Variants in AP3D1 observed in about 807,000 individuals in gnomAD.
AP3D1 encodes adaptor related protein complex 3 subunit delta 1.
In AP3D1, 51 loss-of-function variants were observed where a neutral mutation model predicts 147.6. The observed-to-expected ratio is 0.35, with a 90% CI of 0.28 to 0.44. The LOEUF (loss-of-function observed/expected upper bound fraction) is 0.44, where lower values mean the gene tolerates loss of function less well. Among genes scored for constraint, AP3D1 ranks in the 20% least tolerant of loss-of-function variants. The probability of loss-of-function intolerance (pLI) is 1.00; values close to 1 mark genes in which losing one functional copy is unlikely to be tolerated. For synonymous variants in AP3D1, 760 were observed against 663.0 expected, an observed-to-expected ratio of 1.15 and a Z score of -2.25; for missense variants, 1,421 against 1,624.2, an observed-to-expected ratio of 0.87 and a Z score of 2.15.
chr19:2,103,727 C>T (rs1426230667), intron 31 of AP3D1, among the ~76,000 whole-genome samples: 1 of 152,138 alleles, frequency 6.6e-6, no homozygotes, highest in Non-Finnish European at 1.5e-5. Context: ...TGACCACCCA[C>T]GTCCTCCACA....
At chr19:2,152,492 G>A (rs141481168), upstream of AP3D1, among the ~76,000 whole-genome samples, 6,855 of 151,944 alleles carry the variant, frequency 0.045, 218 homozygotes, top group East Asian at 0.14. Flanking sequence ...GCAGTGAGCC[G>A]AGATGGCGCC....
intron 15 of AP3D1, among the ~76,000 whole-genome samples, chr19:2,117,971 C>A (rs2018505664): frequency 6.6e-6 from 1 of 152,148 alleles, no homozygotes; most frequent in South Asian, 2.1e-4. Context: ...ACCAGCCTGG[C>A]CAACAAGGTG....
chr19:2,150,999 G>A (rs1005700805), intron 1 of AP3D1, among the ~76,000 whole-genome samples: 3 of 152,268 alleles, frequency 2.0e-5, no homozygotes, highest in African/African-American at 4.8e-5. Flanking sequence ...ATCCGATGAG[G>A]CGAGGATCCG....
chr19:2,137,638 G>T (rs1185373195), intron 3 of AP3D1, 89 bp downstream of exon 3: 10 of 1,124,914 alleles, frequency 8.9e-6, no homozygotes, highest in African/African-American at 1.5e-5. Context: ...TCTGTCTCAA[G>T]AATAATAATA....
Position 2,141,120 on chromosome 19 carries a change from T to C in AP3D1, c.97-2406A>G, listed in dbSNP as rs113689124. ...GACATGACCTAGACCCAAAAGATTA[T>C]ATTATAAACATAGATGTAAATTAGC... On this transcript the variant is annotated intron_variant, in intron 1 of 31. Transcript: ENST00000643116. Among the ~76,000 whole-genome samples the C allele has an allele frequency of 4.1e-4, 63 of 152,222 alleles. 1 individual carries two copies. The highest frequency in any genetic ancestry group is 1.5e-3 in the African/African-American group (61 of 41,542).
intron 24 of AP3D1, 22 bp downstream of exon 24, chr19:2,112,838 C>G (rs780685186): frequency 1.9e-6 from 3 of 1,592,634 alleles, no homozygotes; most frequent in African/African-American, 2.7e-5. Flanking sequence ...CTCCACAGCC[C>G]CTGGGGGAGT....
At chr19:2,117,488 T>A in intron 15 of AP3D1, 121 bp from the exon 16 acceptor site, 4 of 1,118,322 alleles carry the variant, frequency 3.6e-6, no homozygotes, top group Non-Finnish European at 4.9e-6. Flanking sequence ...TACAGCCACA[T>A]AGCCACAGAG....
intron 1 of AP3D1, among the ~76,000 whole-genome samples, chr19:2,142,087 G>A (rs1052696058): frequency 3.3e-5 from 5 of 150,560 alleles, no homozygotes; most frequent in Admixed American, 1.3e-4. Flanking sequence ...GTGTGATCTC[G>A]GCTCACTGTA....
At chr19:2,118,339 C>T (rs1266275054) in intron 15 of AP3D1, among the ~76,000 whole-genome samples, 2 of 152,216 alleles carry the variant, frequency 1.3e-5, no homozygotes, top group African/African-American at 2.4e-5. Flanking sequence ...GTGAAACAAC[C>T]TCTTCCTGTG....
intron 1 of AP3D1, among the ~76,000 whole-genome samples, chr19:2,139,059 CAAAAAAAAAAAA>C (rs60728832): frequency 5.2e-4 from 32 of 61,668 alleles, no homozygotes; most frequent in African/African-American, 1.4e-3. Context: ...GACTCCGTCT[CAAAAAAAAAAAA>C]AAAAAAAAAA....
At chr19:2,164,243 A>G (rs2019821225) in intron 1 of AP3D1, 1 of 1,284,846 alleles carries the variant, frequency 7.8e-7, no homozygotes, top group South Asian at 3.3e-5. Flanking sequence ...CCCGCCGTCT[A>G]CCCGTGGCCG....
rs1447033592 is a variant in AP3D1, at chr19:2,113,425, A to G, written c.2602-12T>C. ...TCCAGGTCCTCAGCCTGAAACCACA[A>G]GACAGGCTGTCAGCAAACGCAGTGC... On this transcript the variant is annotated splice_polypyrimidine_tract_variant and intron_variant, in intron 22 of 31. Coordinates refer to ENST00000643116, the MANE Select transcript of AP3D1 (RefSeq NM_001261826.3). 7.6e-6 allele frequency: 11 copies of G among 1,453,236 alleles called. No homozygotes were observed. The highest frequency in any genetic ancestry group is 8.2e-6 in the Non-Finnish European group (9 of 1,101,502). 90.0% of individuals were successfully genotyped at this position (1,453,236 alleles called of 1,614,324 possible).
intron 4 of AP3D1, chr19:2,133,464 T>TC (rs2019000501): frequency 1.3e-5 from 2 of 152,156 alleles, no homozygotes; most frequent in South Asian, 4.2e-4. Flanking sequence ...TCTACCAAGA[T>TC]CCGTTTTCAG....
In AP3D1 at chr19:2,123,411, A is replaced by G. The variant is rs1483684003; in HGVS notation, c.907-5T>C. 6.2e-7 allele frequency: 1 copy of G among 1,613,840 alleles called. No individual in the cohort carries two copies. The highest frequency in any genetic ancestry group is 8.5e-7 in the Non-Finnish European group (1 of 1,179,978). ...CCTTAATTTCTGAACACAAAGCTGAAAAGAAGAAAAAAACGATGCTGGTTA... is the reference window on the plus strand; with the variant it reads ...CCTTAATTTCTGAACACAAAGCTGAGAAGAAGAAAAAAACGATGCTGGTTA... On this transcript the variant is annotated splice_polypyrimidine_tract_variant and splice_region_variant and intron_variant, in intron 10 of 31. Transcript: ENST00000643116.
At chr19:2,155,758 A>G (rs147908682), upstream of AP3D1, among the ~76,000 whole-genome samples, 249 of 152,188 alleles carry the variant, frequency 1.6e-3, no homozygotes, top group Non-Finnish European at 3.0e-3. Context: ...AACTTGATGA[A>G]AAAGGAAGAA....
intron 1 of AP3D1, among the ~76,000 whole-genome samples, chr19:2,140,320 C>T (rs1024382657): frequency 6.6e-6 from 1 of 152,136 alleles, no homozygotes; most frequent in Non-Finnish European, 1.5e-5. Flanking sequence ...TCTGGGCGTG[C>T]ACCCGAGGGG....
intron 17 of AP3D1, 118 bp downstream of exon 17, chr19:2,116,487 C>T: frequency 3.7e-6 from 5 of 1,365,548 alleles, no homozygotes; most frequent in Non-Finnish European, 4.9e-6. Flanking sequence ...GCAGGGACGC[C>T]CATGCCTCCA....
chr19:2,110,538 T>C (rs971892778), intron 27 of AP3D1, among the ~76,000 whole-genome samples, 169 bp downstream of exon 27: 1 of 151,886 alleles, frequency 6.6e-6, no homozygotes, highest in African/African-American at 2.4e-5. Context: ...CCATTGCGCT[T>C]CTCAGAGAGC....
chr19:2,111,815 G>A lies in AP3D1; in HGVS notation c.2801C>T (p.Pro934Leu). The A allele has an allele frequency of 1.9e-6, 3 of 1,613,892 alleles. No homozygotes were observed. Among genetic ancestry groups the A allele is most frequent in the Non-Finnish European group, 2.5e-6 (3 of 1,179,966 alleles). ...GQDQDKKSPK[P>L]KKKKHRKEKE... ...CTCCTTCCTGTGCTTCTTCTTCTTAGGCTTGGGAGATTTCTGGAGCAAGAG... is the reference window on the plus strand; with the variant it reads ...CTCCTTCCTGTGCTTCTTCTTCTTAAGCTTGGGAGATTTCTGGAGCAAGAG... Residue 934 changes from proline (P) to leucine (L), a missense_variant, in exon 25 of 32, where the codon CCT (proline) becomes CTT (leucine). Coordinates refer to ENST00000643116, the MANE Select transcript of AP3D1 (RefSeq NM_001261826.3).
Sources: gnomAD v4.1 joint callset for allele counts (sites outside exome capture counted in the v4.1 genomes callset) on GRCh38, gnomAD v4.1.1 for gene constraint, MANE v1.5 for transcripts, NCBI Gene and HGNC (gene_info 2026-07-23, HGNC 2026-07-21) for gene names.